Variants in SOX5 observed in about 807,000 individuals in gnomAD.
The protein encoded by SOX5 is SRY-box transcription factor 5.
SOX5 carries 9 observed loss-of-function variants against 92.0 expected under a neutral mutation model. That is an observed-to-expected ratio of 0.10 (90% CI 0.06 to 0.17). SOX5 has a LOEUF of 0.17. SOX5 is among the 10% of genes least tolerant of loss of function. The pLI is 1.00. For missense variants in SOX5, 642 were observed against 944.5 expected, an observed-to-expected ratio of 0.68 and a Z score of 4.20; for synonymous variants, 344 against 336.3, an observed-to-expected ratio of 1.02 and a Z score of -0.25.
At position 23,612,387 on chromosome 12, in the gene SOX5, A is replaced by G. The variant is rs942878413; in HGVS notation, c.1018-7854T>C. The stretch of plus-strand genomic sequence containing the variant: ...CAAGAGTTTAAGTAGGCATAAGGAA[A>G]AAGTTGTAATCCTTTTTCATCCTCA... On this transcript the variant is annotated intron_variant, in intron 8 of 14. Coordinates refer to ENST00000451604, the MANE Select transcript of SOX5 (RefSeq NM_006940.6). 5.3e-5 allele frequency among the ~76,000 whole-genome samples: 8 copies of G among 152,242 alleles called. No homozygotes were observed. The South Asian group carries it at 8.3e-4, about 16-fold the overall frequency.
At chr12:24,458,570 T>G (rs765692340) in intron 1 of SOX5, among the ~76,000 whole-genome samples, 1 of 152,154 alleles carries the variant, frequency 6.6e-6, no homozygotes, top group Admixed American at 6.5e-5. Flanking sequence ...CAGATATAGA[T>G]GTTTTTAATT....
intron 4 of SOX5, among the ~76,000 whole-genome samples, chr12:23,974,931 G>C (rs574815449): frequency 6.6e-6 from 1 of 152,066 alleles, no homozygotes; most frequent in Non-Finnish European, 1.5e-5. Context: ...TGTTTGGGGG[G>C]AAAGTATAAA....
chr12:23,534,432 C>T lies in SOX5; in HGVS notation c.2079G>A (p.Ser693=), dbSNP rs138876515. 4.8e-4 allele frequency: 782 copies of T among 1,614,032 alleles called. 3 individuals carry two copies. In the African/African-American group the frequency reaches 8.3e-3, roughly 17 times the overall value. The stretch of plus-strand genomic sequence containing the variant: ...GGCTGCTAGACACGCTTGAGTGCTC[C>T]GAGGGCAGGTGAGGGGAGGGCATCC... The part of the protein sequence containing the change: ...MAGMPSPHLP[S]EHSSVSSSPE... Residue 693 remains serine, a synonymous_variant, in exon 15 of 15, where the codon TCG becomes TCA. Transcript: ENST00000451604.
At chr12:24,244,592 T>C (rs144596820) in intron 3 of SOX5, among the ~76,000 whole-genome samples, 1 of 152,384 alleles carries the variant, frequency 6.6e-6, no homozygotes, top group African/African-American at 2.4e-5. Context: ...TGAGGCACTA[T>C]TGTGCCATCC....
At chr12:23,643,966 GC>G (rs1045268341) in intron 7 of SOX5, among the ~76,000 whole-genome samples, 4 of 152,096 alleles carry the variant, frequency 2.6e-5, no homozygotes, top group Non-Finnish European at 5.9e-5. Context: ...TGTGCAGACA[GC>G]CCCTAAGATA....
Position 24,008,363 on chromosome 12 carries a change from C to T in SOX5, c.-1-112339G>A, listed in dbSNP as rs574633546. Among the ~76,000 whole-genome samples, 42 of 152,124 alleles carry T rather than the reference C, an allele frequency of 2.8e-4. 1 individual carries two copies. In the South Asian group the frequency reaches 4.4e-3, roughly 16 times the overall value. On this transcript the variant is annotated intron_variant, in intron 4 of 4. Coordinates refer to the SOX5 transcript ENST00000446891. ...CCGACTATTATGATTGTTTCTGCAA[C>T]GCTGGAAATATGTAAATGAAGACAC...
chr12:24,539,709 A>G (rs945551180), intron 1 of SOX5, among the ~76,000 whole-genome samples: 1 of 152,108 alleles, frequency 6.6e-6, no homozygotes, highest in Non-Finnish European at 1.5e-5. Flanking sequence ...AATTTCCTAC[A>G]TATTTAAGAA....
At chr12:24,235,729 T>C (rs1594641404) in intron 3 of SOX5, among the ~76,000 whole-genome samples, 3 of 152,314 alleles carry the variant, frequency 2.0e-5, no homozygotes, top group African/African-American at 7.2e-5. Context: ...GTCTCATCTA[T>C]CTCTAATTTT....
intron 8 of SOX5, among the ~76,000 whole-genome samples, chr12:23,618,015 G>T (rs2137988269): frequency 1.3e-5 from 2 of 152,080 alleles, no homozygotes; most frequent in South Asian, 4.2e-4. Flanking sequence ...CCCTTTTTAT[G>T]CCGCTCCAGA....
At chr12:24,146,976 G>A (rs1951157247) in intron 4 of SOX5, among the ~76,000 whole-genome samples, 1 of 152,004 alleles carries the variant, frequency 6.6e-6, no homozygotes, top group African/African-American at 2.4e-5. Flanking sequence ...TTTTAAATGG[G>A]ATGATAGTAA....
chr12:24,062,304 T>C (rs1939881223), intron 4 of SOX5, among the ~76,000 whole-genome samples: 2 of 152,244 alleles, frequency 1.3e-5, no homozygotes, highest in Non-Finnish European at 2.9e-5. Context: ...TTTCTACCTT[T>C]ATTTCTAACT....
At chr12:23,658,610 CA>C (rs1233475544) in intron 7 of SOX5, among the ~76,000 whole-genome samples, 1 of 152,046 alleles carries the variant, frequency 6.6e-6, no homozygotes, top group Non-Finnish European at 1.5e-5. Flanking sequence ...ATACAGAAAC[CA>C]GCTGGGCATG....
chr12:24,254,522 C>A (rs1207529068), intron 3 of SOX5, among the ~76,000 whole-genome samples: 2 of 152,050 alleles, frequency 1.3e-5, no homozygotes, highest in East Asian at 3.9e-4. Flanking sequence ...AATACAAAGT[C>A]TTTCATAATA....
At chr12:24,396,471 G>A (rs1959996164) in intron 1 of SOX5, among the ~76,000 whole-genome samples, 1 of 152,228 alleles carries the variant, frequency 6.6e-6, no homozygotes, top group Non-Finnish European at 1.5e-5. Flanking sequence ...GAAATATTCA[G>A]CTCATTTCAT....
chr12:24,307,999 T>C (rs1260073637), intron 2 of SOX5, among the ~76,000 whole-genome samples: 1 of 151,424 alleles, frequency 6.6e-6, no homozygotes, highest in Non-Finnish European at 1.5e-5. Flanking sequence ...TCACAGCTGG[T>C]ACCAGGAAAA....
At chr12:23,595,618 C>CAA (rs747265656) in intron 9 of SOX5, among the ~76,000 whole-genome samples, 630 of 46,304 alleles carry the variant, frequency 0.014, 55 homozygotes, top group African/African-American at 0.052. Context: ...GACTCTGCCT[C>CAA]AAAAAAAAAA....
intron 1 of SOX5, among the ~76,000 whole-genome samples, chr12:24,482,657 A>G (rs889126584): frequency 6.6e-6 from 1 of 152,168 alleles, no homozygotes; most frequent in Admixed American, 6.6e-5. Flanking sequence ...AAAGTTGTTC[A>G]TTCTATAAAA....
intron 4 of SOX5, among the ~76,000 whole-genome samples, chr12:24,116,846 G>A (rs1485454434): frequency 6.6e-6 from 1 of 151,740 alleles, no homozygotes; most frequent in African/African-American, 2.4e-5. Flanking sequence ...TAAAATACTT[G>A]AAAATTTTAA....
At chr12:24,398,706 G>A (rs575858644) in intron 1 of SOX5, among the ~76,000 whole-genome samples, 5 of 152,296 alleles carry the variant, frequency 3.3e-5, no homozygotes, top group African/African-American at 1.2e-4. Context: ...ATTCCTGACA[G>A]GAGAGAACTT....
Sources: allele counts gnomAD v4.1 joint callset (sites outside exome capture counted in the v4.1 genomes callset), GRCh38; gene constraint gnomAD v4.1.1; transcripts MANE v1.5; gene names NCBI Gene and HGNC (gene_info 2026-07-23, HGNC 2026-07-21).